Variants in GFRA1 observed in about 807,000 individuals in gnomAD.
GFRA1 encodes GDNF family receptor alpha 1.
A neutral mutation model predicts 51.6 loss-of-function variants in GFRA1; 16 were observed. The observed-to-expected ratio is 0.31, with a 90% CI of 0.21 to 0.47. The LOEUF (loss-of-function observed/expected upper bound fraction) is 0.47, where lower values mean the gene tolerates loss of function less well. GFRA1 is among the 20% of genes least tolerant of loss of function. GFRA1 has a pLI of 1.00. For missense variants in GFRA1, 530 were observed against 594.3 expected, an observed-to-expected ratio of 0.89 and a Z score of 1.13; for synonymous variants, 270 against 241.3, an observed-to-expected ratio of 1.12 and a Z score of -1.10.
intron 9 of GFRA1, among the ~76,000 whole-genome samples, chr10:116,088,487 G>T (rs1444402192): frequency 6.6e-6 from 1 of 152,150 alleles, no homozygotes; most frequent in Non-Finnish European, 1.5e-5. Flanking sequence ...TGCTGACTCT[G>T]TGACCCATTA....
At chr10:116,256,609 C>T (rs897655010) in intron 4 of GFRA1, among the ~76,000 whole-genome samples, 4 of 150,056 alleles carry the variant, frequency 2.7e-5, no homozygotes, top group East Asian at 2.0e-4. Context: ...CCCATCCTCT[C>T]CCCTCAAGCA....
At chr10:116,080,891 C>A (rs1315991095) in intron 9 of GFRA1, among the ~76,000 whole-genome samples, 7 of 152,148 alleles carry the variant, frequency 4.6e-5, no homozygotes, top group Non-Finnish European at 8.8e-5. Context: ...AAAACTCTAA[C>A]AAAACTTTGG....
intron 5 of GFRA1, among the ~76,000 whole-genome samples, chr10:116,194,469 A>G (rs1963560889): frequency 6.6e-6 from 1 of 152,218 alleles, no homozygotes; most frequent in African/African-American, 2.4e-5. Flanking sequence ...TGAAAGGTTA[A>G]TTAAAATTTC....
chr10:116,083,610 G>C (rs1049104614), intron 9 of GFRA1, among the ~76,000 whole-genome samples: 1 of 152,090 alleles, frequency 6.6e-6, no homozygotes, highest in East Asian at 1.9e-4. Flanking sequence ...TTTAAAACTC[G>C]ACACTTAAAA....
chr10:116,106,164 G>A (rs1322605374), intron 6 of GFRA1, among the ~76,000 whole-genome samples: 2 of 152,166 alleles, frequency 1.3e-5, no homozygotes, highest in African/African-American at 4.8e-5. Flanking sequence ...GCAGCCTCCA[G>A]AAAGAACTCA....
intron 5 of GFRA1, among the ~76,000 whole-genome samples, chr10:116,144,266 A>G (rs902530387): frequency 6.6e-6 from 1 of 150,910 alleles, no homozygotes; most frequent in Non-Finnish European, 1.5e-5. Flanking sequence ...CTAAGTTATA[A>G]CAAGTATGTT....
intron 5 of GFRA1, among the ~76,000 whole-genome samples, chr10:116,143,666 C>T (rs991835668): frequency 6.6e-6 from 1 of 152,044 alleles, no homozygotes; most frequent in African/African-American, 2.4e-5. Context: ...TTCTCTCTCT[C>T]TCTCTCTCTC....
Position 116,272,288 on chromosome 10 carries a change from G to A in GFRA1, c.-246-13C>T, listed in dbSNP as rs1844020649. 1.7e-6 allele frequency: 1 copy of A among 575,554 alleles called. No homozygotes were observed. The highest frequency in any genetic ancestry group is 3.1e-6 in the Non-Finnish European group (1 of 321,444). 35.7% of individuals were successfully genotyped at this position (575,554 alleles called of 1,614,324 possible). A position where few individuals can be genotyped will look rare whatever the true frequency, so the allele number is the denominator to read the frequency against. ...GGTCCGACCCAACCTGGAAGGGAGG[G>A]CGCGCTTTGAGATGAGAGCGGAGAG... On this transcript the variant is annotated splice_polypyrimidine_tract_variant and intron_variant, in intron 1 of 10. Transcript: ENST00000355422. This position sits in a 1 kb window ranked among gnomAD's most constrained non-coding sequence, Gnocchi z 4.4.
At position 116,096,774 on chromosome 10, in the gene GFRA1, GA is replaced by G; in HGVS notation, c.771-11del. On this transcript the variant is annotated splice_polypyrimidine_tract_variant and intron_variant, in intron 6 of 10. Coordinates refer to ENST00000355422, the MANE Select transcript of GFRA1 (RefSeq NM_005264.8). ...ATCCGCAAGGCGAGATCTACAATAGGAAAAAAGGGGTGGGGGGTGGAAATGT... is the reference window on the plus strand; with the variant it reads ...ATCCGCAAGGCGAGATCTACAATAGGAAAAAGGGGTGGGGGGTGGAAATGT... 12 of 1,440,500 alleles carry G rather than the reference GA, an allele frequency of 8.3e-6. No individual in the cohort carries two copies. The highest frequency in any genetic ancestry group is 1.7e-5 in the Admixed American group (1 of 59,084). 89.2% of individuals were successfully genotyped at this position (1,440,500 alleles called of 1,614,324 possible).
At chr10:116,106,203 G>GT (rs1196363374) in intron 6 of GFRA1, among the ~76,000 whole-genome samples, 1 of 152,198 alleles carries the variant, frequency 6.6e-6, no homozygotes, top group East Asian at 1.9e-4. Flanking sequence ...TTTCAGCCCA[G>GT]TGAGACCCGA....
At chr10:116,134,927 G>A (rs183215802) in intron 5 of GFRA1, among the ~76,000 whole-genome samples, 8 of 152,170 alleles carry the variant, frequency 5.3e-5, no homozygotes, top group South Asian at 2.1e-4. Flanking sequence ...TTGCTGCTGC[G>A]CAATGATTAA....
intron 5 of GFRA1, among the ~76,000 whole-genome samples, chr10:116,144,841 A>G (rs1958726689): frequency 1.3e-5 from 2 of 152,070 alleles, no homozygotes; most frequent in South Asian, 4.1e-4. Context: ...AGACTGATAA[A>G]TTAATCACAT....
At chr10:116,088,400 A>G (rs1956185276) in intron 9 of GFRA1, among the ~76,000 whole-genome samples, 1 of 152,142 alleles carries the variant, frequency 6.6e-6, no homozygotes, top group African/African-American at 2.4e-5. Context: ...AGCGGGAGGC[A>G]GAAGCTACCA....
intron 4 of GFRA1, among the ~76,000 whole-genome samples, chr10:116,264,806 C>G (rs1389103395): frequency 6.6e-6 from 1 of 152,078 alleles, no homozygotes; most frequent in Non-Finnish European, 1.5e-5. Context: ...AAGGAGTTTA[C>G]CATATGCCAG....
In GFRA1 at chr10:116,125,445, C is replaced by T. The variant is rs1423902427; in HGVS notation, c.546G>A (p.Val182=). The T allele has an allele frequency of 6.2e-7, 1 of 1,614,134 alleles. No homozygotes were observed. The highest frequency in any genetic ancestry group is 8.5e-7 in the Non-Finnish European group (1 of 1,179,980). ...SAYITPCTTS[V]SNDVCNRRKC... ...TGCGGCGGTTGCAGACATCGTTGGA[C>T]ACGCTGGTGGTGCACGGGGTGATGT... Residue 182 remains valine, a synonymous_variant, in exon 6 of 11, where the codon GTG becomes GTA. Transcript: ENST00000355422.
chr10:116,160,325 T>A (rs1959621959), intron 5 of GFRA1, among the ~76,000 whole-genome samples: 1 of 152,262 alleles, frequency 6.6e-6, no homozygotes, highest in South Asian at 2.1e-4. Flanking sequence ...CCAAAACTCT[T>A]ATAACTATTT....
intron 9 of GFRA1, among the ~76,000 whole-genome samples, chr10:116,078,820 C>A (rs966327576): frequency 6.6e-6 from 1 of 152,138 alleles, no homozygotes; most frequent in African/African-American, 2.4e-5. Context: ...CAAGACCATT[C>A]TCTTAGATAA....
chr10:116,214,130 C>T (rs1354028766), intron 4 of GFRA1, among the ~76,000 whole-genome samples: 2 of 151,982 alleles, frequency 1.3e-5, no homozygotes, highest in East Asian at 1.9e-4. Context: ...GCTTCTGGAA[C>T]CCATAGTCTG....
chr10:116,111,024 G>A (rs1957188935), intron 6 of GFRA1, among the ~76,000 whole-genome samples: 2 of 152,138 alleles, frequency 1.3e-5, no homozygotes, highest in African/African-American at 2.4e-5. Context: ...CAGGCACTGA[G>A]GATAGACCCT....
Sources: allele counts gnomAD v4.1 joint callset (sites outside exome capture counted in the v4.1 genomes callset), GRCh38; gene constraint gnomAD v4.1.1; non-coding constraint Gnocchi (gnomAD v3.1); transcripts MANE v1.5; gene names NCBI Gene and HGNC (gene_info 2026-07-23, HGNC 2026-07-21).